The following SCOC variants were observed in gnomAD, a reference collection of about 807,000 sequenced individuals.
SCOC encodes short coiled-coil protein.
SCOC carries 7 observed loss-of-function variants against 9.9 expected under a neutral mutation model. That is an observed-to-expected ratio of 0.71 (90% confidence interval 0.40 to 1.33). SCOC has a LOEUF of 1.33. SCOC is among the 40% of genes most tolerant of loss of function. SCOC has a pLI of 0.01. For synonymous variants in SCOC, 19 were observed against 28.2 expected (o/e 0.67, Z 1.03); for missense variants, 66 against 89.7 (o/e 0.74, Z 1.07).
In SCOC at chr4:140,381,319, T is replaced by C; in HGVS notation, c.*215T>C. 2.6e-6 allele frequency: 1 copy of C among 382,420 alleles called. No homozygotes were observed. The highest frequency in any genetic ancestry group is 4.7e-6 in the Non-Finnish European group (1 of 211,738). The allele number at this position is 382,420 out of a possible 1,614,324, so 23.7% of individuals were successfully genotyped here. On this transcript the variant is annotated 3_prime_UTR_variant, in exon 4 of 4. Coordinates refer to ENST00000608372, the MANE Select transcript of SCOC (RefSeq NM_001153484.2). ...ACGTGCAAATGTATTGTAGAGACTT[T>C]ATGATTAGAATTGCATATATTTATG...
intron 1 of SCOC, among the ~76,000 whole-genome samples, chr4:140,327,972 C>T (rs183953959): frequency 3.9e-5 from 6 of 152,222 alleles, no homozygotes; most frequent in African/African-American, 1.4e-4. Context: ...GTGCCTCCAA[C>T]GCCACACTTG....
At chr4:140,275,816 G>GTTTTTTTTTTTTTTTTTTTTTTTT (rs199643449) in intron 1 of SCOC, among the ~76,000 whole-genome samples, 1 of 133,464 alleles carries the variant, frequency 7.5e-6, no homozygotes, top group Non-Finnish European at 1.5e-5. Flanking sequence ...ACTCGCTCAG[G>GTTTTTTTTTTTTTTTTTTTTTTTT]TTTGTTTTTT....
chr4:140,362,275 T>TTC (rs1553941067), intron 2 of SCOC, among the ~76,000 whole-genome samples: 6 of 10,692 alleles, frequency 5.6e-4, no homozygotes, highest in Non-Finnish European at 9.2e-4. Flanking sequence ...AGGTGTGTCC[T>TTC]TACTTCTTCT....
chr4:140,327,159 C>T (rs1199132371), intron 1 of SCOC, among the ~76,000 whole-genome samples: 1 of 152,180 alleles, frequency 6.6e-6, no homozygotes, highest in African/African-American at 2.4e-5. Flanking sequence ...TTAAATTTGG[C>T]CCTTGTCCTC....
intron 1 of SCOC, among the ~76,000 whole-genome samples, chr4:140,276,861 T>G (rs1730996222): frequency 1.3e-5 from 2 of 151,992 alleles, no homozygotes; most frequent in South Asian, 4.1e-4. Flanking sequence ...CACACACATA[T>G]CAGGAGGGGG....
chr4:140,290,786 C>T (rs1233332756), intron 1 of SCOC, among the ~76,000 whole-genome samples: 2 of 152,164 alleles, frequency 1.3e-5, no homozygotes, highest in Non-Finnish European at 2.9e-5. Flanking sequence ...GCACTCCAGC[C>T]TGGGAAACAT....
chr4:140,287,787 T>G (rs1347608975), intron 1 of SCOC, among the ~76,000 whole-genome samples: 1 of 152,030 alleles, frequency 6.6e-6, no homozygotes, highest in African/African-American at 2.4e-5. Context: ...GTACCATGCA[T>G]GTAAACATAC....
chr4:140,353,180 GAGA>G (rs1381507634), intron 2 of SCOC, among the ~76,000 whole-genome samples: 1 of 152,180 alleles, frequency 6.6e-6, no homozygotes, highest in African/African-American at 2.4e-5. Flanking sequence ...TGGGTACAGA[GAGA>G]AGGAGGACAC....
chr4:140,291,806 A>G (rs1180385019), intron 1 of SCOC, among the ~76,000 whole-genome samples: 16 of 152,200 alleles, frequency 1.1e-4, no homozygotes, highest in Admixed American at 9.8e-4. Flanking sequence ...CCAGGTATCA[A>G]TGCCAGCTCA....
intron 1 of SCOC, among the ~76,000 whole-genome samples, chr4:140,267,786 C>T (rs1397448811): frequency 2.6e-5 from 4 of 152,256 alleles, no homozygotes; most frequent in African/African-American, 2.4e-5. Flanking sequence ...GGATTCCTCA[C>T]CCCACCCTGG....
intron 2 of SCOC, among the ~76,000 whole-genome samples, chr4:140,364,822 ATGAG>A (rs1227422490): frequency 6.6e-6 from 1 of 152,154 alleles, no homozygotes; most frequent in Non-Finnish European, 1.5e-5. Flanking sequence ...CCAGAACCCC[ATGAG>A]GTCAAAACTG....
rs551220987 is a variant in SCOC at position 140,382,687 on chromosome 4, T to A, written c.*1583T>A. On this transcript the variant is annotated 3_prime_UTR_variant, in exon 4 of 4. Transcript: ENST00000608372. ...TTACTGATTATTTAGGGGAATAATATTTTTATTAATACAACTATAACTGGT... is the reference window on the plus strand; with the variant it reads ...TTACTGATTATTTAGGGGAATAATAATTTTATTAATACAACTATAACTGGT... 9.2e-5 allele frequency: 14 copies of A among 152,740 alleles called. No individual in the cohort carries two copies. Among genetic ancestry groups the A allele is most frequent in the Middle Eastern group, 6.8e-3 (2 of 294 alleles). The allele number at this position is 152,740 out of a possible 1,614,324, so 9.5% of individuals were successfully genotyped here.
At chr4:140,353,306 A>C (rs1727056434) in intron 2 of SCOC, among the ~76,000 whole-genome samples, 1 of 152,202 alleles carries the variant, frequency 6.6e-6, no homozygotes, top group African/African-American at 2.4e-5. Context: ...CTGCTGAAAC[A>C]ATATATCCAC....
chr4:140,285,790 T>TGG (rs1200181667), intron 1 of SCOC, among the ~76,000 whole-genome samples: 2 of 152,144 alleles, frequency 1.3e-5, no homozygotes, highest in Admixed American at 6.5e-5. Context: ...GAGCAACAGA[T>TGG]GGTTGGAAAC....
At chr4:140,291,621 C>A (rs946038845) in intron 1 of SCOC, 6 of 413,566 alleles carry the variant, frequency 1.5e-5, no homozygotes, top group Admixed American at 7.8e-5. Context: ...AAATCAATGA[C>A]CATGTACCAT....
At chr4:140,323,599 C>T (rs983079864) in intron 1 of SCOC, among the ~76,000 whole-genome samples, 5 of 152,072 alleles carry the variant, frequency 3.3e-5, no homozygotes, top group African/African-American at 1.2e-4. Flanking sequence ...GAGAATAGTA[C>T]AGACAACACT....
intron 2 of SCOC, among the ~76,000 whole-genome samples, chr4:140,357,145 C>CT (rs1205353191): frequency 2.0e-5 from 3 of 151,628 alleles, no homozygotes; most frequent in Non-Finnish European, 4.4e-5. Flanking sequence ...AATTTTTGTA[C>CT]TTTTTTTTAG....
Position 140,313,791 on chromosome 4 carries a change from G to GT in SCOC, c.-18-29820dup, listed in dbSNP as rs142732219. Among the ~76,000 whole-genome samples, 740 of 149,038 alleles carry GT rather than the reference G, an allele frequency of 5.0e-3. 3 individuals are homozygous for GT. The highest frequency in any genetic ancestry group is 6.9e-3 in the Middle Eastern group (2 of 290). The stretch of plus-strand genomic sequence containing the variant: ...TCGTTTCATGAAAGAATTCAGTCCT[G>GT]TTTTTTTTTTAAATGATTAAGAGAA... On this transcript the variant is annotated intron_variant, in intron 1 of 4. Coordinates refer to the SCOC transcript ENST00000394205.
intron 1 of SCOC, among the ~76,000 whole-genome samples, chr4:140,329,154 C>G (rs1732737121): frequency 6.6e-6 from 1 of 152,210 alleles, no homozygotes; most frequent in African/African-American, 2.4e-5. Flanking sequence ...CAAATACTTA[C>G]AGCCAGCTGA....
Sources: allele counts gnomAD v4.1 joint callset (sites outside exome capture counted in the v4.1 genomes callset), GRCh38; gene constraint gnomAD v4.1.1; transcripts MANE v1.5; gene names NCBI Gene and HGNC (gene_info 2026-07-23, HGNC 2026-07-21).